NOS1AP: variants seen among roughly 807,000 people sequenced by gnomAD.
NOS1AP encodes the protein carboxyl-terminal PDZ ligand of neuronal nitric oxide synthase protein.
NOS1AP carries 21 observed loss-of-function variants against 56.2 expected under a neutral mutation model. That is an observed-to-expected ratio of 0.37 (90% CI 0.26 to 0.54). The LOEUF (loss-of-function observed/expected upper bound fraction) is 0.54. Ranked by LOEUF, NOS1AP falls within the 20% of genes least tolerant of loss-of-function variation. The pLI, the probability that NOS1AP is intolerant of heterozygous loss-of-function variation, is 0.84. For missense variants in NOS1AP, 522 were observed against 657.8 expected, an observed-to-expected ratio of 0.79 and a Z score of 2.26; for synonymous variants, 270 against 274.6, an observed-to-expected ratio of 0.98 and a Z score of 0.17.
At chr1:162,202,730 T>C (rs1305361669) in intron 2 of NOS1AP, among the ~76,000 whole-genome samples, 1 of 152,252 alleles carries the variant, frequency 6.6e-6, no homozygotes, top group Non-Finnish European at 1.5e-5. Context: ...TATGTATATA[T>C]AGTTTTACAG....
chr1:162,187,850 A>G (rs1278861428), intron 2 of NOS1AP, among the ~76,000 whole-genome samples: 1 of 152,160 alleles, frequency 6.6e-6, no homozygotes, highest in African/African-American at 2.4e-5. Context: ...TCCTGTGTCT[A>G]TGATGCCATG....
chr1:162,133,389 T>A (rs761838318), intron 1 of NOS1AP, among the ~76,000 whole-genome samples: 1 of 152,216 alleles, frequency 6.6e-6, no homozygotes, highest in Non-Finnish European at 1.5e-5. Flanking sequence ...ATCATACCCG[T>A]CTTGGTTACC....
chr1:162,168,846 A>C (rs1296163383), intron 2 of NOS1AP, among the ~76,000 whole-genome samples: 1 of 152,160 alleles, frequency 6.6e-6, no homozygotes. Flanking sequence ...CTCCTTATTA[A>C]ATAAGAGGCC....
chr1:162,208,808 G>C (rs4657171), intron 2 of NOS1AP, among the ~76,000 whole-genome samples: 1 of 152,194 alleles, frequency 6.6e-6, no homozygotes, highest in Non-Finnish European at 1.5e-5. Context: ...TATACCGACC[G>C]TAAAGTAGAT....
chr1:162,362,865 A>T (rs1297579921), intron 8 of NOS1AP: 1 of 726,130 alleles, frequency 1.4e-6, no homozygotes, highest in African/African-American at 1.9e-5. Context: ...AGAAAACCTT[A>T]ATAGCCACCC....
chr1:162,255,589 T>C (rs998184267), intron 2 of NOS1AP, among the ~76,000 whole-genome samples: 3 of 145,646 alleles, frequency 2.1e-5, no homozygotes, highest in South Asian at 2.3e-4. Context: ...CTCCAGACTT[T>C]CCACTGCTAT....
At position 162,271,894 on chromosome 1, in the gene NOS1AP, T is replaced by C. The variant is rs1203484692; in HGVS notation, c.178-15450T>C. On this transcript the variant is annotated intron_variant, in intron 2 of 9. Coordinates refer to ENST00000361897, the MANE Select transcript of NOS1AP (RefSeq NM_014697.3). ...GTGCTTCCCTTAGTCCTGTTTTTGTTTGTTTGTTTGTTTTTTGGTCTCACT... is the reference window on the plus strand; with the variant it reads ...GTGCTTCCCTTAGTCCTGTTTTTGTCTGTTTGTTTGTTTTTTGGTCTCACT... 2.6e-5 allele frequency among the ~76,000 whole-genome samples: 4 copies of C among 152,130 alleles called. No homozygotes were observed. The East Asian group carries it at 7.7e-4, about 29-fold the overall frequency.
chr1:162,186,706 C>T (rs777059235), intron 2 of NOS1AP, among the ~76,000 whole-genome samples: 64 of 152,192 alleles, frequency 4.2e-4, no homozygotes, highest in Non-Finnish European at 8.1e-4. Context: ...CATTTGCAAA[C>T]CAAGAAGCAG....
chr1:162,219,057 A>G (rs929811497), intron 2 of NOS1AP, among the ~76,000 whole-genome samples: 1 of 152,042 alleles, frequency 6.6e-6, no homozygotes, highest in African/African-American at 2.4e-5. Context: ...ATTATCTTCT[A>G]GTGGCTAATA....
At chr1:162,255,192 C>A (rs916984366) in intron 2 of NOS1AP, among the ~76,000 whole-genome samples, 1 of 152,158 alleles carries the variant, frequency 6.6e-6, no homozygotes, top group Admixed American at 6.6e-5. Flanking sequence ...CACAGATGAC[C>A]TTGAGGAACA....
At chr1:162,361,536 T>C (rs1419190518) in intron 8 of NOS1AP, among the ~76,000 whole-genome samples, 1 of 152,214 alleles carries the variant, frequency 6.6e-6, no homozygotes, top group African/African-American at 2.4e-5. Flanking sequence ...AGCTTGAGGT[T>C]TGAGCCTTAT....
chr1:162,115,619 A>G (rs913103500), intron 1 of NOS1AP, among the ~76,000 whole-genome samples: 1 of 152,180 alleles, frequency 6.6e-6, no homozygotes, highest in Admixed American at 6.5e-5. Context: ...GCCCCTTCCC[A>G]GACCCACTGA....
intron 1 of NOS1AP, among the ~76,000 whole-genome samples, chr1:162,130,205 A>G (rs1490435539): frequency 6.6e-6 from 1 of 152,246 alleles, no homozygotes; most frequent in Admixed American, 6.5e-5. Flanking sequence ...CCTATAAGGA[A>G]GATTGCATCT....
intron 2 of NOS1AP, among the ~76,000 whole-genome samples, chr1:162,242,886 C>T (rs558450691): frequency 4.6e-5 from 7 of 152,072 alleles, no homozygotes; most frequent in Admixed American, 6.6e-5. Flanking sequence ...GAAGGAGGGG[C>T]GCGGGCAAAA....
chr1:162,173,545 C>T (rs1170685519), intron 2 of NOS1AP, among the ~76,000 whole-genome samples: 2 of 152,138 alleles, frequency 1.3e-5, no homozygotes, highest in Non-Finnish European at 2.9e-5. Flanking sequence ...AAAGCAATGG[C>T]AACAAAAGCC....
intron 4 of NOS1AP, among the ~76,000 whole-genome samples, chr1:162,315,327 G>A (rs2101772045): frequency 6.6e-6 from 1 of 152,330 alleles, no homozygotes; most frequent in African/African-American, 2.4e-5. Context: ...GGACCGTGTT[G>A]TAGCTTACTC....
intron 3 of NOS1AP, among the ~76,000 whole-genome samples, chr1:162,289,312 C>G (rs1655207241): frequency 7.1e-6 from 1 of 140,950 alleles, no homozygotes; most frequent in Non-Finnish European, 1.5e-5. Flanking sequence ...TTCTTTCTTT[C>G]TTCTTGATGG....
intron 1 of NOS1AP, among the ~76,000 whole-genome samples, chr1:162,081,774 A>ATATATTTTTTTTTTTTTTTTTT: frequency 2.7e-4 from 12 of 44,054 alleles, no homozygotes; most frequent in African/African-American, 5.4e-4. Context: ...ATATATATAT[A>ATATATTTTTTTTTTTTTTTTTT]TTTTTTTTTT....
At chr1:162,187,807 A>G (rs1423675175) in intron 2 of NOS1AP, among the ~76,000 whole-genome samples, 6 of 152,200 alleles carry the variant, frequency 3.9e-5, no homozygotes, top group Non-Finnish European at 8.8e-5. Flanking sequence ...GTTCAGAGCC[A>G]TGAACATTTG....
Sources: gnomAD v4.1 joint callset for allele counts (sites outside exome capture counted in the v4.1 genomes callset) on GRCh38, gnomAD v4.1.1 for gene constraint, MANE v1.5 for transcripts, NCBI Gene and HGNC (gene_info 2026-07-23, HGNC 2026-07-21) for gene names.